The following DNAH1 variants were observed in gnomAD, a reference collection of about 807,000 sequenced individuals.
DNAH1 encodes axonemal beta dynein heavy chain 1.
Under a neutral mutation model 484.3 loss-of-function variants are expected in DNAH1, and 327 were observed. The ratio of observed to expected loss-of-function variants is 0.68; its 90% CI spans 0.62 to 0.74. DNAH1 has a LOEUF of 0.74. Ranked by LOEUF, DNAH1 falls within the 30% of genes least tolerant of loss-of-function variation. The pLI is 0.00. For missense variants in DNAH1, 5,052 were observed against 5,546.8 expected, an observed-to-expected ratio of 0.91 and a Z score of 2.83; for synonymous variants, 2,192 against 2,191.9, an observed-to-expected ratio of 1.00 and a Z score of 0.00.
At position 52,391,541 on chromosome 3, in the gene DNAH1, C is replaced by T. The variant is rs1704384740; in HGVS notation, c.9990C>T (p.Asn3330=). 1 of 1,506,580 alleles carries T rather than the reference C, an allele frequency of 6.6e-7. No individual in the cohort carries two copies. The highest frequency in any genetic ancestry group is 1.7e-5 in the African/African-American group (1 of 59,106). 93.3% of individuals were successfully genotyped at this position (1,506,580 alleles called of 1,614,324 possible). A position where few individuals can be genotyped will look rare whatever the true frequency, so the allele number is the denominator to read the frequency against. Residue 3330 remains asparagine (N), a synonymous_variant, in exon 63 of 78, where the codon AAC becomes AAT. Coordinates refer to ENST00000420323, the MANE Select transcript of DNAH1 (RefSeq NM_015512.5). ...TGTACATCACCACCAAGCTGCCCAA[C>T]CCACACTACACGCCCGAGATCTCCA... ...FRMYITTKLP[N]PHYTPEISTK...
chr3:52,371,214 A>G (rs1189250591), intron 41 of DNAH1, among the ~76,000 whole-genome samples: 1 of 152,224 alleles, frequency 6.6e-6, no homozygotes, highest in Non-Finnish European at 1.5e-5. Context: ...AGCCTGCTTC[A>G]GTGTCCTCAT....
At chr3:52,333,983 C>G (rs1701648630) in intron 8 of DNAH1, among the ~76,000 whole-genome samples, 1 of 152,096 alleles carries the variant, frequency 6.6e-6, no homozygotes, top group South Asian at 2.1e-4. Flanking sequence ...TGGAATGTAG[C>G]CCCACTGTAA....
chr3:52,323,816 T>C lies in DNAH1; in HGVS notation c.342T>C (p.Cys114=). 1 of 1,590,786 alleles carries C rather than the reference T, an allele frequency of 6.3e-7. No individual in the cohort carries two copies. The highest frequency in any genetic ancestry group is 2.3e-5 in the East Asian group (1 of 43,624). The change falls in exon 3 of 78, where the codon TGT becomes TGC. Residue 114 remains cysteine, a synonymous_variant. Transcript: ENST00000420323. The part of the protein sequence containing the change: ...PGTLDQLGEV[C]RGPRMSQNLL... ...CCATGGTTTGGTTTCAGGAGGTATG[T>C]CGTGGCCCCCGAATGAGCCAGAACC...
At position 52,372,047 on chromosome 3, in the gene DNAH1, G is replaced by A; in HGVS notation, c.6627G>A (p.Met2209Ile). Reference protein sequence around the residue: ...IIVPTMDTVQMSHLLDMLLTN... With the variant: ...IIVPTMDTVQISHLLDMLLTN... ...TGCCCACCATGGACACCGTGCAGAT[G>A]TCCCATTTACTGGACATGCTGCTCA... Residue 2209 changes from methionine (M) to isoleucine (I), a missense_variant, in exon 42 of 78, where the codon ATG (methionine) becomes ATA (isoleucine). By Grantham distance (10) the Met-to-Ile change is conservative. Coordinates refer to ENST00000420323, the MANE Select transcript of DNAH1 (RefSeq NM_015512.5). 1 of 1,613,806 alleles carries A rather than the reference G, an allele frequency of 6.2e-7. No individual in the cohort carries two copies. The highest frequency in any genetic ancestry group is 8.5e-7 in the Non-Finnish European group (1 of 1,179,862).
rs748670005 is a variant in DNAH1, at chr3:52,391,557, G to A, written c.10006G>A (p.Glu3336Lys). Residue 3336 changes from glutamate (E) to lysine (K), a missense_variant, in exon 63 of 78, where the codon GAG becomes AAG. Transcript: ENST00000420323. The part of the protein sequence containing the change: ...TKLPNPHYTP[E>K]ISTKLTLINF... The stretch of plus-strand genomic sequence containing the variant: ...GCTGCCCAACCCACACTACACGCCC[G>A]AGATCTCCACCAAACTCACCCTCAT... 1.3e-4 allele frequency: 214 copies of A among 1,613,636 alleles called. 1 individual carries two copies. The highest frequency in any genetic ancestry group is 1.8e-4 in the Non-Finnish European group (210 of 1,179,830).
rs561554962 is a variant in DNAH1 at position 52,349,040 on chromosome 3, G to A, written c.2259G>A (p.Lys753=). 8.7e-6 allele frequency: 14 copies of A among 1,612,966 alleles called. No individual in the cohort carries two copies. The African/African-American group carries it at 1.1e-4, about 12-fold the overall frequency. ...PLQAYAKEYR[K]YLELNNNDIA... Reference sequence around the variant, plus strand: ...AGGCCTACGCCAAGGAGTACCGAAAGTACCTGGAGCTGAACAACAATGACA... The same window carrying A: ...AGGCCTACGCCAAGGAGTACCGAAAATACCTGGAGCTGAACAACAATGACA... The change falls in exon 13 of 78, where the codon AAG becomes AAA. Residue 753 remains lysine (K), a synonymous_variant. Coordinates refer to ENST00000420323, the MANE Select transcript of DNAH1 (RefSeq NM_015512.5).
Position 52,372,346 on chromosome 3 carries a change from C to A in DNAH1, c.6786C>A (p.Ala2262=). 6.2e-7 allele frequency: 1 copy of A among 1,614,012 alleles called. No homozygotes were observed. Among genetic ancestry groups the A allele is most frequent in the Non-Finnish European group, 8.5e-7 (1 of 1,179,890 alleles). ...HFLTFSARTS[A]NQTQDFIDSK... is the part of the protein sequence containing the mutation. The stretch of plus-strand genomic sequence containing the variant: ...TCACCTTCTCAGCCCGCACTTCAGC[C>A]AACCAGACCCAGGACTTCATTGACA... The change falls in exon 43 of 78, where the codon GCC becomes GCA. Residue 2262 remains alanine (A), a synonymous_variant. Coordinates refer to ENST00000420323, the MANE Select transcript of DNAH1 (RefSeq NM_015512.5).
At position 52,398,036 on chromosome 3, in the gene DNAH1, T is replaced by C. The variant is rs1233292183; in HGVS notation, c.11963T>C (p.Val3988Ala). Residue 3988 changes from valine (V) to alanine (A), a missense_variant, in exon 75 of 78, where the codon GTG becomes GCG. By Grantham distance (64) the Val-to-Ala change is moderately conservative. Transcript: ENST00000420323. ...SAGSQGREEI[V>A]EDVTQNILLK... ...AGTATTCCTTTGCCCCTGCAGATAG[T>C]GGAGGACGTCACCCAAAACATTCTG... 1 of 1,613,442 alleles carries C rather than the reference T, an allele frequency of 6.2e-7. No individual in the cohort carries two copies.
chr3:52,384,240 C>T (rs1280163895), intron 52 of DNAH1, among the ~76,000 whole-genome samples: 5 of 152,254 alleles, frequency 3.3e-5, no homozygotes, highest in African/African-American at 7.2e-5. Flanking sequence ...GCTGCGCACA[C>T]AGCTGCACGG....
intron 45 of DNAH1, 62 bp downstream of exon 45, chr3:52,375,475 A>G: frequency 6.4e-7 from 1 of 1,558,178 alleles, no homozygotes; most frequent in Non-Finnish European, 8.7e-7. Flanking sequence ...AGGCCACACC[A>G]AGGACAACTG....
rs1370375216 is a variant in DNAH1, at chr3:52,372,023, GC to G, written c.6606del (p.Thr2203ProfsTer94). 3 of 1,613,720 alleles carry G rather than the reference GC, an allele frequency of 1.9e-6. No individual in the cohort carries two copies. The highest frequency in any genetic ancestry group is 2.5e-6 in the Non-Finnish European group (3 of 1,179,890). ...ACACCAACTACTGCAACATCATTGT[GC>G]CCACCATGGACACCGTGCAGATGTC... ...PDTNYCNIIV[P>X]TMDTVQMSHL... On this transcript the variant is annotated frameshift_variant, in exon 42 of 78. Transcript: ENST00000420323. LOFTEE classifies it high-confidence loss of function.
At chr3:52,376,565 C>T (rs1381763235) in intron 46 of DNAH1, among the ~76,000 whole-genome samples, 4 of 152,186 alleles carry the variant, frequency 2.6e-5, no homozygotes, top group Non-Finnish European at 5.9e-5. Flanking sequence ...AAAGCCCAGC[C>T]TCCTCCTGGG....
intron 3 of DNAH1, among the ~76,000 whole-genome samples, chr3:52,324,918 C>T (rs1701280552): frequency 1.3e-5 from 2 of 152,112 alleles, no homozygotes; most frequent in Non-Finnish European, 2.9e-5. Flanking sequence ...ATTCACTCTG[C>T]TGCCCGAGGG....
At chr3:52,351,069 C>T (rs193096022) in intron 16 of DNAH1, among the ~76,000 whole-genome samples, 1 of 152,310 alleles carries the variant, frequency 6.6e-6, no homozygotes, top group African/African-American at 2.4e-5. Flanking sequence ...AGGCTGGTCT[C>T]GAACTCCTGA....
At chr3:52,367,108 C>A (rs1375298411) in intron 36 of DNAH1, among the ~76,000 whole-genome samples, 1 of 152,232 alleles carries the variant, frequency 6.6e-6, no homozygotes, top group Non-Finnish European at 1.5e-5. Context: ...TGGCACCATG[C>A]TTATGGTAAG....
In DNAH1 at chr3:52,361,145, C is replaced by T. The variant is rs1450797552; in HGVS notation, c.4686-19C>T. 4 of 1,540,942 alleles carry T rather than the reference C, an allele frequency of 2.6e-6. No individual in the cohort carries two copies. The highest frequency in any genetic ancestry group is 2.8e-5 in the African/African-American group (2 of 72,196). On this transcript the variant is annotated intron_variant, in intron 28 of 77. Transcript: ENST00000420323. This position sits in a 1 kb window ranked among gnomAD's most constrained non-coding sequence, Gnocchi z 5.6. ...CCAGGCCATGTGCGGCCCGAGCCCA[C>T]CTCCTCTGTCTCCTGCAGGTGCTAC...
chr3:52,332,519 T>A (rs1393125258), intron 8 of DNAH1, 125 bp downstream of exon 8: 1 of 1,399,082 alleles, frequency 7.1e-7, no homozygotes, highest in African/African-American at 1.4e-5. Flanking sequence ...CTGTCCTGGC[T>A]ATTGCCCTCT....
rs573053435 is a variant in DNAH1 at position 52,358,235 on chromosome 3, T to A, written c.4086+232T>A. Reference sequence around the variant, plus strand: ...GGCGCTCCCTGTGCCCCCAGCACACTGCAAAACCCATGAGGCCAGAAGCCT... The same window carrying A: ...GGCGCTCCCTGTGCCCCCAGCACACAGCAAAACCCATGAGGCCAGAAGCCT... On this transcript the variant is annotated intron_variant, in intron 24 of 77. Transcript: ENST00000420323. This position sits in a 1 kb window ranked among gnomAD's most constrained non-coding sequence, Gnocchi z 4.2. Among the ~76,000 whole-genome samples the A allele has an allele frequency of 9.8e-5, 15 of 152,328 alleles. No homozygotes were observed. Among genetic ancestry groups the A allele is most frequent in the African/African-American group, 3.4e-4 (14 of 41,590 alleles).
In DNAH1 at chr3:52,383,432, C is replaced by G. The variant is rs1316012504; in HGVS notation, c.7988C>G (p.Ser2663Cys). The G allele has an allele frequency of 6.2e-7, 1 of 1,614,018 alleles. No individual in the cohort carries two copies. The highest frequency in any genetic ancestry group is 1.7e-5 in the Admixed American group (1 of 60,030). Reference protein sequence around the residue: ...FLEDINNVLNSGDIPNLYTAD... With the variant: ...FLEDINNVLNCGDIPNLYTAD... ...GAAGATATCAACAACGTCCTAAACT[C>G]TGGTGACATTCCCAATCTGTATACT... The change falls in exon 51 of 78, where the codon TCT becomes TGT. Residue 2663 changes from serine to cysteine, a missense_variant. Ser to Cys is a moderately radical substitution (Grantham distance 112). This residue lies in a region of DNAH1 where 2,929 missense variants were observed against 3,409.4 expected (regional missense o/e 0.86). Transcript: ENST00000420323.
Sources: gnomAD v4.1 joint callset for allele counts (sites outside exome capture counted in the v4.1 genomes callset) on GRCh38, gnomAD v4.1.1 for gene constraint, gnomAD v4.1.1 regional missense constraint, Gnocchi (gnomAD v3.1) non-coding constraint, MANE v1.5 for transcripts, NCBI Gene and HGNC (gene_info 2026-07-23, HGNC 2026-07-21) for gene names.